DYM: variants seen among roughly 807,000 people sequenced by gnomAD.
DYM encodes dymeclin, also known as dyggve-Melchior-Clausen syndrome protein.
DYM carries 78 observed loss-of-function variants against 93.1 expected under a neutral mutation model. That is an observed-to-expected ratio of 0.84 (90% CI 0.70 to 1.01). DYM has a LOEUF of 1.01. Ranked by LOEUF, DYM falls within the 50% of genes least tolerant of loss-of-function variation. The pLI, the probability that DYM is intolerant of heterozygous loss-of-function variation, is 0.00. For synonymous variants in DYM, 321 were observed against 319.7 expected (o/e 1.00, Z -0.04); for missense variants, 789 against 845.0 (o/e 0.93, Z 0.82).
At chr18:49,126,805 T>G (rs1290899487) in intron 15 of DYM, among the ~76,000 whole-genome samples, 1 of 152,188 alleles carries the variant, frequency 6.6e-6, no homozygotes, top group Non-Finnish European at 1.5e-5. Context: ...CATTTTAGCT[T>G]TAGACATTAT....
At chr18:49,392,046 T>C (rs1043520498) in intron 2 of DYM, among the ~76,000 whole-genome samples, 2 of 152,130 alleles carry the variant, frequency 1.3e-5, no homozygotes, top group Admixed American at 1.3e-4. Context: ...GTGTCATGAT[T>C]GCTACAATAC....
chr18:49,362,590 T>C (rs907267585), intron 6 of DYM, among the ~76,000 whole-genome samples: 2 of 152,176 alleles, frequency 1.3e-5, no homozygotes, highest in African/African-American at 4.8e-5. Flanking sequence ...CTCAAAAGAC[T>C]ATCCACATTC....
At position 49,333,956 on chromosome 18, in the gene DYM, T is replaced by C. The variant is rs2063494663; in HGVS notation, c.495-103A>G. 5.5e-6 allele frequency: 7 copies of C among 1,262,756 alleles called. No homozygotes were observed. The East Asian group carries it at 1.5e-4, about 26-fold the overall frequency. The allele number at this position is 1,262,756 out of a possible 1,614,324, so 78.2% of individuals were successfully genotyped here. On this transcript the variant is annotated intron_variant, in intron 6 of 17. Coordinates refer to ENST00000675505, the MANE Select transcript of DYM (RefSeq NM_001353214.3). ...TAAAAACTCAAATCTAAATATTCAG[T>C]ATTTTCAGGTTACTGAAAAATGTTA...
intron 16 of DYM, among the ~76,000 whole-genome samples, chr18:49,104,430 C>A (rs556864171): frequency 6.6e-6 from 1 of 152,116 alleles, no homozygotes; most frequent in Non-Finnish European, 1.5e-5. Flanking sequence ...ATTGCCCTGG[C>A]CTGAACTTCC....
At chr18:49,333,154 A>C (rs498929) in intron 7 of DYM, among the ~76,000 whole-genome samples, 109,245 of 152,210 alleles carry the variant, frequency 0.72, 39,265 homozygotes, top group South Asian at 0.76. Flanking sequence ...TATGTTAATA[A>C]AAGGTCAGGT....
chr18:49,049,324 C>T (rs1189457515), intron 17 of DYM, among the ~76,000 whole-genome samples: 2 of 152,212 alleles, frequency 1.3e-5, no homozygotes, highest in African/African-American at 4.8e-5. Context: ...TTTTCCCATT[C>T]ATTCACTCAG....
At chr18:49,418,885 A>G (rs964823410) in intron 2 of DYM, among the ~76,000 whole-genome samples, 1 of 152,204 alleles carries the variant, frequency 6.6e-6, no homozygotes, top group African/African-American at 2.4e-5. Flanking sequence ...TGACAGACCA[A>G]AAGTATATGC....
intron 8 of DYM, among the ~76,000 whole-genome samples, chr18:49,330,812 A>G (rs180801009): frequency 1.3e-5 from 2 of 152,348 alleles, no homozygotes; most frequent in East Asian, 3.9e-4. Flanking sequence ...CAAAGAATCT[A>G]TGCAGGTGTG....
chr18:49,441,895 A>G (rs922679592), intron 1 of DYM, among the ~76,000 whole-genome samples: 3 of 152,120 alleles, frequency 2.0e-5, no homozygotes, highest in African/African-American at 7.2e-5. Flanking sequence ...ATACAACTAG[A>G]GAGACCAATG....
At chr18:49,070,164 T>C (rs2076778535) in intron 17 of DYM, among the ~76,000 whole-genome samples, 1 of 152,246 alleles carries the variant, frequency 6.6e-6, no homozygotes. Flanking sequence ...TTGTTCAGAA[T>C]CTACAACTCT....
chr18:49,085,693 T>C (rs1034533723), intron 17 of DYM, among the ~76,000 whole-genome samples: 1 of 147,550 alleles, frequency 6.8e-6, no homozygotes, highest in Non-Finnish European at 1.5e-5. Flanking sequence ...CTGCAACCTC[T>C]GCTGCCCGGG....
At chr18:49,434,346 C>CAA (rs60975784) in intron 1 of DYM, among the ~76,000 whole-genome samples, 3 of 134,686 alleles carry the variant, frequency 2.2e-5, no homozygotes, top group African/African-American at 8.3e-5. Context: ...GACTCCATCT[C>CAA]AAAAAAAAAA....
chr18:49,380,078 A>C (rs2067900791), intron 3 of DYM, among the ~76,000 whole-genome samples: 1 of 126,078 alleles, frequency 7.9e-6, no homozygotes, highest in African/African-American at 2.8e-5. Context: ...TTCTCTAGAA[A>C]GGAGATTTTT....
chr18:49,425,844 A>G (rs1445181692), intron 2 of DYM, among the ~76,000 whole-genome samples: 3 of 152,208 alleles, frequency 2.0e-5, no homozygotes, highest in East Asian at 3.8e-4. Flanking sequence ...AACCACAATG[A>G]AATACCATCT....
intron 6 of DYM, among the ~76,000 whole-genome samples, chr18:49,335,193 C>T (rs999283725): frequency 2.6e-5 from 4 of 152,136 alleles, no homozygotes; most frequent in Non-Finnish European, 5.9e-5. Context: ...ACGCAATTAG[C>T]CTTATTACGT....
At chr18:49,277,174 A>G (rs1397984015) in intron 10 of DYM, among the ~76,000 whole-genome samples, 2 of 152,150 alleles carry the variant, frequency 1.3e-5, no homozygotes, top group African/African-American at 4.8e-5. Context: ...GGGCAGCTGG[A>G]TACATGGATA....
Position 49,424,548 on chromosome 18 carries a change from G to A in DYM, c.140+5707C>T, listed in dbSNP as rs568750299. Among the ~76,000 whole-genome samples the A allele has an allele frequency of 2.0e-5, 3 of 152,050 alleles. No homozygotes were observed. In the East Asian group the frequency reaches 5.8e-4, roughly 29 times the overall value. The stretch of plus-strand genomic sequence containing the variant: ...CATAGTGTTGGAAGTTCTGGCCAGG[G>A]CAATCAAGCAGAAGAAAGAAATAAA... On this transcript the variant is annotated intron_variant, in intron 2 of 17. Coordinates refer to ENST00000675505, the MANE Select transcript of DYM (RefSeq NM_001353214.3).
intron 3 of DYM, among the ~76,000 whole-genome samples, chr18:49,384,749 A>G (rs1295400296): frequency 1.3e-5 from 2 of 152,092 alleles, no homozygotes; most frequent in Non-Finnish European, 2.9e-5. Flanking sequence ...AAAAGAGGAG[A>G]ACTGGCAGTG....
At chr18:49,154,447 T>C (rs1161013380) in intron 15 of DYM, among the ~76,000 whole-genome samples, 1 of 152,054 alleles carries the variant, frequency 6.6e-6, no homozygotes, top group Non-Finnish European at 1.5e-5. Context: ...CAGATTGGAG[T>C]GCAATGGCGC....
Sources: allele counts gnomAD v4.1 joint callset (sites outside exome capture counted in the v4.1 genomes callset), GRCh38; gene constraint gnomAD v4.1.1; transcripts MANE v1.5; gene names NCBI Gene and HGNC (gene_info 2026-07-23, HGNC 2026-07-21).